The following IQSEC1 variants were observed in gnomAD, a reference collection of about 807,000 sequenced individuals.
IQSEC1 encodes the protein IQ motif and Sec7 domain ArfGEF 1.
In IQSEC1, 31 loss-of-function variants were observed where a neutral mutation model predicts 91.0. That is an observed-to-expected ratio of 0.34 (90% CI 0.26 to 0.46). IQSEC1 has a LOEUF of 0.46. IQSEC1 is among the 20% of genes least tolerant of loss of function. The pLI, the probability that IQSEC1 is intolerant of heterozygous loss-of-function variation, is 1.00. For missense variants in IQSEC1, 1,388 were observed against 1,575.6 expected (o/e 0.88, Z 2.02); for synonymous variants, 699 against 662.6 (o/e 1.05, Z -0.84).
chr3:13,026,522 T>C (rs1477266118), intron 1 of IQSEC1, among the ~76,000 whole-genome samples: 1 of 152,250 alleles, frequency 6.6e-6, no homozygotes, highest in African/African-American at 2.4e-5. Flanking sequence ...CTTGAGGATT[T>C]GGTGAACAAA....
chr3:12,918,603 G>A (rs1696329505), intron 6 of IQSEC1, among the ~76,000 whole-genome samples: 1 of 152,142 alleles, frequency 6.6e-6, no homozygotes, highest in Non-Finnish European at 1.5e-5. Flanking sequence ...ATCACTTGAG[G>A]CCAAGGAGTT....
rs77375720 is a variant in IQSEC1 at position 13,231,111 on chromosome 3, T to A, written c.272+51600A>T. ...ATTATTACTCTGATAGGAGCTCTTTTCAAACTGATGTCTTATTCTTCTTAG... is the reference window on the plus strand; with the variant it reads ...ATTATTACTCTGATAGGAGCTCTTTACAAACTGATGTCTTATTCTTCTTAG... On this transcript the variant is annotated intron_variant, in intron 1 of 15. Transcript: ENST00000648114. Among the ~76,000 whole-genome samples the A allele has an allele frequency of 0.018, 2,752 of 152,358 alleles. 222 individuals carry two copies. The East Asian group carries it at 0.2, about 11-fold the overall frequency.
In IQSEC1 at chr3:12,924,480, C is replaced by G; in HGVS notation, c.1730+101G>C. 8.1e-7 allele frequency: 1 copy of G among 1,232,222 alleles called. No homozygotes were observed. The highest frequency in any genetic ancestry group is 1.1e-6 in the Non-Finnish European group (1 of 899,704). The allele number at this position is 1,232,222 out of a possible 1,614,324, so 76.3% of individuals were successfully genotyped here. ...AAGGGGGGCCCACCACATGTCCCAG[C>G]AAGTAGGGTGGGCCTGGCCCTGTGT... On this transcript the variant is annotated intron_variant, in intron 4 of 13. Coordinates refer to ENST00000613206, the MANE Select transcript of IQSEC1 (RefSeq NM_001134382.3). This position sits in a 1 kb window ranked among gnomAD's most constrained non-coding sequence, Gnocchi z 6.3.
chr3:12,932,858 G>C (rs1416574075), intron 3 of IQSEC1, among the ~76,000 whole-genome samples: 1 of 152,236 alleles, frequency 6.6e-6, no homozygotes, highest in Non-Finnish European at 1.5e-5. Context: ...CTGGGAGTAA[G>C]CGGCAGATGC....
rs1298308201 is a variant in IQSEC1, at chr3:12,935,804, G to A, written c.1212C>T (p.Pro404=). ...ERSLGGQQGS[P]KHGPHSGAPK... ...GGGCGCCGCTGTGGGGACCATGCTT[G>A]GGACTGCCCTGCTGCCCGCCAAGGC... The change falls in exon 3 of 14, where the codon CCC becomes CCT. Residue 404 remains proline (P), a synonymous_variant. Coordinates refer to ENST00000613206, the MANE Select transcript of IQSEC1 (RefSeq NM_001134382.3). The surrounding 1 kb of genome is among the most constrained non-coding windows in gnomAD (Gnocchi z 8.0). The A allele has an allele frequency of 3.1e-6, 5 of 1,607,750 alleles. No individual in the cohort carries two copies. Among genetic ancestry groups the A allele is most frequent in the Non-Finnish European group, 4.2e-6 (5 of 1,179,808 alleles).
upstream of IQSEC1, among the ~76,000 whole-genome samples, chr3:13,075,830 T>G (rs559485356): frequency 6.6e-6 from 1 of 152,296 alleles, no homozygotes; most frequent in East Asian, 1.9e-4. Flanking sequence ...AGCGTGGAGC[T>G]GGGATTCCGA....
chr3:12,906,410 G>A (rs534134489), intron 12 of IQSEC1, among the ~76,000 whole-genome samples: 1 of 152,190 alleles, frequency 6.6e-6, no homozygotes, highest in Non-Finnish European at 1.5e-5. Flanking sequence ...AAGGCTGCCA[G>A]CACCTGCCTG....
chr3:13,270,528 C>T (rs1342655079), intron 1 of IQSEC1, among the ~76,000 whole-genome samples: 1 of 152,220 alleles, frequency 6.6e-6, no homozygotes, highest in African/African-American at 2.4e-5. Flanking sequence ...TTCTGGGCTT[C>T]ACTGTCAACA....
chr3:13,047,922 T>C (rs188657320), intron 1 of IQSEC1, among the ~76,000 whole-genome samples: 173 of 152,234 alleles, frequency 1.1e-3, no homozygotes, highest in African/African-American at 3.9e-3. Context: ...AGCAGACCCA[T>C]GGGTTTGGGC....
chr3:13,165,558 G>A (rs1366713294), intron 1 of IQSEC1, among the ~76,000 whole-genome samples: 2 of 141,508 alleles, frequency 1.4e-5, no homozygotes, highest in African/African-American at 5.4e-5. Context: ...GTGTGTGTGT[G>A]TGTGTGTGTG....
At chr3:13,033,973 G>A (rs1703940216) in intron 1 of IQSEC1, among the ~76,000 whole-genome samples, 1 of 152,116 alleles carries the variant, frequency 6.6e-6, no homozygotes, top group Non-Finnish European at 1.5e-5. Flanking sequence ...CGCTGTTGGT[G>A]GCCCAATTTC....
Position 12,941,629 on chromosome 3 carries a change from T to TTGA in IQSEC1, c.257_259dup (p.Ile86dup). On this transcript the variant is annotated inframe_insertion, in exon 2 of 14. Coordinates refer to ENST00000613206, the MANE Select transcript of IQSEC1 (RefSeq NM_001134382.3). Reference sequence around the variant, plus strand: ...GCTCTCGGAGAGTGAGCGTGAGCGCTTGATGGCCTCCTCCTCAGCCTGCTT... The same window carrying TTGA: ...GCTCTCGGAGAGTGAGCGTGAGCGCTTGATGATGGCCTCCTCCTCAGCCTGCTT... 6.2e-7 allele frequency: 1 copy of TTGA among 1,611,622 alleles called. No homozygotes were observed. Among genetic ancestry groups the TTGA allele is most frequent in the East Asian group, 2.2e-5 (1 of 44,828 alleles).
chr3:13,080,325 T>G (rs529073463), intron 2 of IQSEC1, among the ~76,000 whole-genome samples: 14 of 151,742 alleles, frequency 9.2e-5, no homozygotes, highest in African/African-American at 3.4e-4. Context: ...ACAGGTGTTT[T>G]GGGAGAAGTG....
intron 1 of IQSEC1, among the ~76,000 whole-genome samples, chr3:12,982,270 C>T (rs889218929): frequency 2.6e-5 from 4 of 152,212 alleles, no homozygotes; most frequent in African/African-American, 9.7e-5. Flanking sequence ...TGGTGTCAGG[C>T]TCCCTGTACA....
Position 12,929,566 on chromosome 3 carries a change from A to G in IQSEC1, c.1569-4824T>C, listed in dbSNP as rs542510190. On this transcript the variant is annotated intron_variant, in intron 3 of 13. Transcript: ENST00000613206. ...TGATGGGTACCAGGACTTATAATCC[A>G]CGCTTCTGCCCCAGAAGTCCCTAAA... 2.0e-5 allele frequency among the ~76,000 whole-genome samples: 3 copies of G among 152,190 alleles called. No individual in the cohort carries two copies. The South Asian group carries it at 6.2e-4, about 32-fold the overall frequency.
At chr3:13,032,419 C>T (rs746134611) in intron 1 of IQSEC1, among the ~76,000 whole-genome samples, 13 of 152,224 alleles carry the variant, frequency 8.5e-5, no homozygotes, top group Admixed American at 3.3e-4. Flanking sequence ...CCGTGACTTC[C>T]GCAGGCCGAA....
chr3:12,927,583 G>A (rs576793203), intron 3 of IQSEC1, among the ~76,000 whole-genome samples: 9 of 152,302 alleles, frequency 5.9e-5, no homozygotes, highest in Non-Finnish European at 1.3e-4. Context: ...ATGTGGATGT[G>A]CCACATCCAG....
intron 1 of IQSEC1, among the ~76,000 whole-genome samples, chr3:12,989,200 G>GAAC (rs1701877903): frequency 6.6e-6 from 1 of 152,202 alleles, no homozygotes; most frequent in Non-Finnish European, 1.5e-5. Context: ...AAAGCTCCCG[G>GAAC]AGGGCATGGC....
At chr3:12,991,849 G>C (rs1464115989) in intron 1 of IQSEC1, among the ~76,000 whole-genome samples, 3 of 152,006 alleles carry the variant, frequency 2.0e-5, no homozygotes, top group Admixed American at 1.3e-4. Context: ...AAAACCAAGG[G>C]TGGTGGTGTG....
Sources: gnomAD v4.1 joint callset for allele counts (sites outside exome capture counted in the v4.1 genomes callset) on GRCh38, gnomAD v4.1.1 for gene constraint, Gnocchi (gnomAD v3.1) non-coding constraint, MANE v1.5 for transcripts, NCBI Gene and HGNC (gene_info 2026-07-23, HGNC 2026-07-21) for gene names.